Variants in KIAA1217 observed in about 807,000 individuals in gnomAD.
KIAA1217 encodes the protein sickle tail protein homolog.
Under a neutral mutation model 163.9 loss-of-function variants are expected in KIAA1217, and 88 were observed. The observed-to-expected ratio is 0.54, with a 90% CI of 0.45 to 0.64. The LOEUF is 0.64. Among genes scored for constraint, KIAA1217 ranks in the 30% least tolerant of loss-of-function variants. KIAA1217 has a pLI of 0.00. For missense variants in KIAA1217, 2,372 were observed against 2,475.0 expected (o/e 0.96, Z 0.88); for synonymous variants, 903 against 923.1 (o/e 0.98, Z 0.39).
intron 1 of KIAA1217, among the ~76,000 whole-genome samples, chr10:23,763,290 A>T (rs1363757385): frequency 6.6e-6 from 1 of 152,228 alleles, no homozygotes; most frequent in Non-Finnish European, 1.5e-5. Flanking sequence ...ATCAAAGAAG[A>T]TACTGTATAG....
intron 2 of KIAA1217, among the ~76,000 whole-genome samples, chr10:24,350,264 C>T (rs578063159): frequency 2.0e-5 from 3 of 152,296 alleles, no homozygotes; most frequent in Admixed American, 1.3e-4. Flanking sequence ...CCAACAATTA[C>T]AGCATCAACA....
chr10:24,440,690 C>T (rs903607515), intron 5 of KIAA1217, among the ~76,000 whole-genome samples: 8 of 152,194 alleles, frequency 5.3e-5, no homozygotes, highest in Non-Finnish European at 1.0e-4. Flanking sequence ...TTACCCAGAG[C>T]CTACTTTAAG....
chr10:24,041,344 A>G (rs912657962), intron 2 of KIAA1217, among the ~76,000 whole-genome samples: 1 of 152,212 alleles, frequency 6.6e-6, no homozygotes, highest in Non-Finnish European at 1.5e-5. Context: ...CAATTGGTGG[A>G]AGGAATGTTT....
intron 2 of KIAA1217, among the ~76,000 whole-genome samples, chr10:24,318,190 G>T (rs943809398): frequency 1.3e-5 from 2 of 152,094 alleles, no homozygotes; most frequent in Non-Finnish European, 2.9e-5. Context: ...TAGAGAGGTA[G>T]GTAGGTAGGT....
Position 24,017,048 on chromosome 10 carries a change from T to G in KIAA1217, c.-171+9674T>G, listed in dbSNP as rs1010641644. Among the ~76,000 whole-genome samples the G allele has an allele frequency of 3.5e-4, 44 of 126,398 alleles. 1 individual carries two copies. Among genetic ancestry groups the G allele is most frequent in the African/African-American group, 7.6e-4 (29 of 38,020 alleles). The allele number at this position is 126,398 out of a possible 152,430, so 82.9% of individuals were successfully genotyped here. On this transcript the variant is annotated intron_variant, in intron 2 of 18. Coordinates refer to the KIAA1217 transcript ENST00000376462. ...GGTTAGTTAGTTTTTTTGTTTTTTT[T>G]TTTTTTTTTTGATTTTTTGTTTTGA...
intron 1 of KIAA1217, among the ~76,000 whole-genome samples, chr10:23,870,151 G>A (rs888053626): frequency 1.3e-5 from 2 of 152,094 alleles, no homozygotes; most frequent in Non-Finnish European, 2.9e-5. Context: ...AGCTGGGCTG[G>A]ATTGTCCCTA....
chr10:24,138,882 AG>A (rs1268112797), intron 2 of KIAA1217, among the ~76,000 whole-genome samples: 2 of 152,164 alleles, frequency 1.3e-5, no homozygotes, highest in Non-Finnish European at 2.9e-5. Context: ...CACTTTTTAA[AG>A]CTCATGTGAC....
chr10:24,111,478 A>T (rs1311313248), intron 2 of KIAA1217, among the ~76,000 whole-genome samples: 2 of 152,174 alleles, frequency 1.3e-5, no homozygotes, highest in Non-Finnish European at 2.9e-5. Flanking sequence ...GGAAAAAAAA[A>T]TCCTTGCTTA....
At chr10:23,790,155 GCATATACACATATACA>G (rs1243961290) in intron 1 of KIAA1217, among the ~76,000 whole-genome samples, 3 of 48,728 alleles carry the variant, frequency 6.2e-5, no homozygotes, top group East Asian at 5.1e-4. Context: ...ATACACATAT[GCATATACACATATACA>G]CATATGCATA....
intron 2 of KIAA1217, among the ~76,000 whole-genome samples, chr10:24,346,027 A>G (rs2484873): frequency 0.88 from 133,194 of 152,180 alleles, 59,037 homozygotes; most frequent in Non-Finnish European, 0.95. Flanking sequence ...GAGCTTGACT[A>G]TTCTAGACAA....
chr10:23,905,000 G>C (rs2131254406), intron 1 of KIAA1217, among the ~76,000 whole-genome samples: 1 of 148,730 alleles, frequency 6.7e-6, no homozygotes, highest in African/African-American at 2.5e-5. Flanking sequence ...GTCGATTGCT[G>C]AGAGTGTGTT....
intron 2 of KIAA1217, among the ~76,000 whole-genome samples, chr10:24,319,176 G>A (rs759775373): frequency 6.6e-6 from 1 of 152,090 alleles, no homozygotes; most frequent in Non-Finnish European, 1.5e-5. Flanking sequence ...TCAGGAGTTC[G>A]AGACCAGTGT....
intron 1 of KIAA1217, among the ~76,000 whole-genome samples, chr10:23,970,870 C>T (rs1030703841): frequency 2.1e-4 from 32 of 152,188 alleles, no homozygotes; most frequent in African/African-American, 7.7e-4. Context: ...AACCTCAGTT[C>T]TTGCCTCCTC....
chr10:23,714,491 A>T (rs1837451711), intron 1 of KIAA1217, among the ~76,000 whole-genome samples: 1 of 152,048 alleles, frequency 6.6e-6, no homozygotes, highest in Non-Finnish European at 1.5e-5. Flanking sequence ...GTCCTTCCTC[A>T]ATCAATCAAT....
chr10:24,243,516 A>G (rs1260613261), intron 2 of KIAA1217, among the ~76,000 whole-genome samples: 2 of 151,692 alleles, frequency 1.3e-5, no homozygotes, highest in East Asian at 3.9e-4. Context: ...GAGAATATGC[A>G]GTATTTGTTT....
At chr10:24,239,717 G>A (rs765602314) in intron 2 of KIAA1217, among the ~76,000 whole-genome samples, 30 of 149,010 alleles carry the variant, frequency 2.0e-4, no homozygotes, top group Admixed American at 1.3e-3. Flanking sequence ...GTGTGTGTGT[G>A]TTCTTTTACT....
chr10:24,292,893 C>T (rs1232161835), intron 2 of KIAA1217, among the ~76,000 whole-genome samples: 2 of 152,050 alleles, frequency 1.3e-5, no homozygotes. Flanking sequence ...GAAAGGTGGC[C>T]TGAAATATGA....
chr10:24,309,979 A>AG (rs1295368718), intron 2 of KIAA1217, among the ~76,000 whole-genome samples: 3 of 152,188 alleles, frequency 2.0e-5, no homozygotes, highest in Non-Finnish European at 4.4e-5. Flanking sequence ...TTTTTAAAAT[A>AG]CTTTCCCAAA....
At chr10:23,750,391 G>A (rs1839669668) in intron 1 of KIAA1217, among the ~76,000 whole-genome samples, 1 of 152,120 alleles carries the variant, frequency 6.6e-6, no homozygotes, top group Non-Finnish European at 1.5e-5. Flanking sequence ...AAGAATTCAA[G>A]AATCTGCCAT....
Sources: allele counts gnomAD v4.1 joint callset (sites outside exome capture counted in the v4.1 genomes callset), GRCh38; gene constraint gnomAD v4.1.1; transcripts MANE v1.5; gene names NCBI Gene and HGNC (gene_info 2026-07-23, HGNC 2026-07-21).